The following CEP57 variants were observed in gnomAD, a reference collection of about 807,000 sequenced individuals.
CEP57 encodes the protein centrosomal protein of 57 kDa.
In CEP57, 40 loss-of-function variants were observed where a neutral mutation model predicts 68.0. That is an observed-to-expected ratio of 0.59 (90% confidence interval 0.46 to 0.77). The LOEUF (loss-of-function observed/expected upper bound fraction) is 0.77. Ranked by LOEUF, CEP57 falls within the 30% of genes least tolerant of loss-of-function variation. CEP57 has a pLI of 0.00. For missense variants in CEP57, 606 were observed against 580.7 expected, an observed-to-expected ratio of 1.04 and a Z score of -0.45; for synonymous variants, 219 against 198.7, an observed-to-expected ratio of 1.10 and a Z score of -0.86.
At chr11:95,808,437 G>C (rs1244071589) in intron 2 of CEP57, among the ~76,000 whole-genome samples, 2 of 152,126 alleles carry the variant, frequency 1.3e-5, no homozygotes, top group Non-Finnish European at 1.5e-5. Context: ...TGGATACCAA[G>C]AGTCAAGACC....
intron 2 of CEP57, 113 bp downstream of exon 2, chr11:95,799,501 C>T: frequency 8.1e-7 from 1 of 1,233,292 alleles, no homozygotes; most frequent in Non-Finnish European, 1.2e-6. Flanking sequence ...CCCTTTGCTT[C>T]CAGTTTCAGC....
chr11:95,798,534 A>G (rs1048348120), intron 1 of CEP57, among the ~76,000 whole-genome samples: 4 of 152,196 alleles, frequency 2.6e-5, no homozygotes, highest in Admixed American at 2.6e-4. Flanking sequence ...CTTAGCCCTC[A>G]GCTTCTTAGT....
Position 95,829,283 on chromosome 11 carries a change from G to A in CEP57, c.1224G>A (p.Met408Ile). 6.2e-7 allele frequency: 1 copy of A among 1,613,888 alleles called. No homozygotes were observed. Among genetic ancestry groups the A allele is most frequent in the South Asian group, 1.1e-5 (1 of 91,080 alleles). Residue 408 changes from methionine (M) to isoleucine (I), a missense_variant, in exon 10 of 11, where the codon ATG (methionine) becomes ATA (isoleucine). Coordinates refer to ENST00000325542, the MANE Select transcript of CEP57 (RefSeq NM_014679.5). ...ECELEALVGRMEAKANQITKV... is the reference protein window; with the variant it reads ...ECELEALVGRIEAKANQITKV... Reference sequence around the variant, plus strand: ...AATTGGAGGCATTAGTGGGAAGGATGGAAGCAAAAGCCAACCAAATAACTA... The same window carrying A: ...AATTGGAGGCATTAGTGGGAAGGATAGAAGCAAAAGCCAACCAAATAACTA...
chr11:95,811,622 CTG>C (rs1177792674), intron 2 of CEP57, among the ~76,000 whole-genome samples: 3 of 149,638 alleles, frequency 2.0e-5, no homozygotes, highest in Admixed American at 2.0e-4. Flanking sequence ...AGGTATACCT[CTG>C]TGAAAAATCA....
intron 4 of CEP57, among the ~76,000 whole-genome samples, chr11:95,816,145 G>A (rs553507959): frequency 6.6e-6 from 1 of 152,134 alleles, no homozygotes; most frequent in Non-Finnish European, 1.5e-5. Context: ...GGGACTTCTG[G>A]AAACTTAACA....
intron 6 of CEP57, 55 bp downstream of exon 6, chr11:95,818,959 A>T: frequency 7.7e-7 from 1 of 1,303,448 alleles, no homozygotes; most frequent in African/African-American, 1.5e-5. Flanking sequence ...CTTTTTGTGT[A>T]CAAGTAAACA....
intron 2 of CEP57, among the ~76,000 whole-genome samples, chr11:95,811,125 C>T (rs1862042028): frequency 6.6e-6 from 1 of 152,108 alleles, no homozygotes; most frequent in Admixed American, 6.6e-5. Context: ...GCTATAAAGA[C>T]ACATACACAT....
intron 9 of CEP57, 130 bp from the exon 10 acceptor site, chr11:95,829,057 A>AG: frequency 1.0e-6 from 1 of 959,604 alleles, no homozygotes; most frequent in Non-Finnish European, 1.6e-6. Flanking sequence ...AAAAAAAAAA[A>AG]TTTATTGCTC....
intron 9 of CEP57, 123 bp downstream of exon 9, chr11:95,828,150 T>C (rs1862834290): frequency 1.8e-6 from 2 of 1,137,394 alleles, no homozygotes; most frequent in Non-Finnish European, 1.2e-6. Context: ...ACAATCCTTA[T>C]ACCAACCAAG....
At chr11:95,790,156 C>T (rs1435047321), upstream of CEP57, 3 of 171,738 alleles carry the variant, frequency 1.7e-5, no homozygotes, top group South Asian at 3.4e-4. Context: ...AATACTTCAC[C>T]TGGAGAGGCG....
At chr11:95,827,025 C>G (rs1197965856) in intron 8 of CEP57, 1 of 152,196 alleles carries the variant, frequency 6.6e-6, no homozygotes, top group East Asian at 1.9e-4. Flanking sequence ...CCTAACTCTG[C>G]AGTGAGTTTG....
chr11:95,827,891 C>T lies in CEP57; in HGVS notation c.991C>T (p.Pro331Ser). The T allele has an allele frequency of 6.2e-7, 1 of 1,614,062 alleles. No individual in the cohort carries two copies. Among genetic ancestry groups the T allele is most frequent in the Non-Finnish European group, 8.5e-7 (1 of 1,179,998 alleles). The change falls in exon 9 of 11, where the codon CCT becomes TCT. Residue 331 changes from proline to serine, a missense_variant. By Grantham distance (74) the Pro-to-Ser change is moderately conservative (BLOSUM62 -1). Transcript: ENST00000325542. ...LCNDRVINSIPLAKQVSSRGG... is the reference protein window; with the variant it reads ...LCNDRVINSISLAKQVSSRGG... ...CAATGATCGAGTCATCAACAGTATTCCTTTGGCAAAGCAAGTATCTTCACG... is the reference window on the plus strand; with the variant it reads ...CAATGATCGAGTCATCAACAGTATTTCTTTGGCAAAGCAAGTATCTTCACG...
intron 2 of CEP57, among the ~76,000 whole-genome samples, chr11:95,805,126 T>C (rs1861739351): frequency 6.6e-6 from 1 of 152,230 alleles, no homozygotes; most frequent in Non-Finnish European, 1.5e-5. Context: ...CATTGTGTAC[T>C]GTTGGGTATA....
At chr11:95,824,699 A>G (rs764940094) in intron 8 of CEP57, among the ~76,000 whole-genome samples, 4 of 152,218 alleles carry the variant, frequency 2.6e-5, no homozygotes, top group Non-Finnish European at 4.4e-5. Flanking sequence ...AAGGATATTT[A>G]TAAGTAAGGA....
At chr11:95,825,298 C>T (rs1164230572) in intron 8 of CEP57, among the ~76,000 whole-genome samples, 2 of 152,112 alleles carry the variant, frequency 1.3e-5, no homozygotes, top group African/African-American at 4.8e-5. Flanking sequence ...TTGGAGAAAA[C>T]TCTCCAGGTG....
In CEP57 at chr11:95,799,219, CTT is replaced by C; in HGVS notation, c.46-11_46-10del. Reference sequence around the variant, plus strand: ...CACACTTTTGAAAGGTAATTTGTGTCTTTATTTTTTAGAACAGCTTTGCTGAG... The same window carrying C: ...CACACTTTTGAAAGGTAATTTGTGTCTATTTTTTAGAACAGCTTTGCTGAG... On this transcript the variant is annotated splice_polypyrimidine_tract_variant and intron_variant, in intron 1 of 10. Coordinates refer to ENST00000325542, the MANE Select transcript of CEP57 (RefSeq NM_014679.5). 1 of 1,613,736 alleles carries C rather than the reference CTT, an allele frequency of 6.2e-7. No homozygotes were observed. The highest frequency in any genetic ancestry group is 1.3e-5 in the African/African-American group (1 of 74,994).
intron 2 of CEP57, among the ~76,000 whole-genome samples, chr11:95,802,095 G>T (rs1861604158): frequency 6.6e-6 from 1 of 152,046 alleles, no homozygotes; most frequent in South Asian, 2.1e-4. Context: ...ACATTTGTTG[G>T]GGATAGGGAT....
intron 2 of CEP57, among the ~76,000 whole-genome samples, chr11:95,800,219 A>T (rs1022149595): frequency 1.3e-5 from 2 of 152,162 alleles, no homozygotes; most frequent in African/African-American, 4.8e-5. Context: ...TTCCAAGCTC[A>T]TTAAGATTCT....
intron 10 of CEP57, 104 bp downstream of exon 10, chr11:95,829,435 T>TAC (rs1862908209): frequency 2.1e-5 from 24 of 1,152,306 alleles, no homozygotes; most frequent in Middle Eastern, 5.7e-4. Context: ...GATAAATATC[T>TAC]ACAGGAGATA....
Sources: allele counts gnomAD v4.1 joint callset (sites outside exome capture counted in the v4.1 genomes callset), GRCh38; gene constraint gnomAD v4.1.1; transcripts MANE v1.5; gene names NCBI Gene and HGNC (gene_info 2026-07-23, HGNC 2026-07-21).